CLSTN2: variants seen among roughly 807,000 people sequenced by gnomAD.
CLSTN2 encodes the protein calsyntenin-2.
CLSTN2 carries 48 observed loss-of-function variants against 101.2 expected under a neutral mutation model. The observed-to-expected ratio is 0.47, with a 90% CI of 0.38 to 0.60. The LOEUF (loss-of-function observed/expected upper bound fraction) is 0.60, where lower values mean the gene tolerates loss of function less well. CLSTN2 is among the 20% of genes least tolerant of loss of function. CLSTN2 has a pLI of 0.00. For synonymous variants in CLSTN2, 481 were observed against 463.6 expected, an observed-to-expected ratio of 1.04 and a Z score of -0.48; for missense variants, 1,160 against 1,238.2, an observed-to-expected ratio of 0.94 and a Z score of 0.95.
chr3:140,210,433 G>A (rs1385569949), intron 2 of CLSTN2, among the ~76,000 whole-genome samples: 4 of 152,164 alleles, frequency 2.6e-5, no homozygotes, highest in Non-Finnish European at 5.9e-5. Context: ...CACACTTTTA[G>A]GCAGGTGTTT....
At chr3:139,972,917 C>A (rs576204393) in intron 1 of CLSTN2, among the ~76,000 whole-genome samples, 1 of 152,288 alleles carries the variant, frequency 6.6e-6, no homozygotes, top group East Asian at 1.9e-4. Flanking sequence ...GCATTTTTGG[C>A]TCAGAATTTT....
At chr3:140,201,192 G>T (rs534249392) in intron 2 of CLSTN2, among the ~76,000 whole-genome samples, 2 of 152,316 alleles carry the variant, frequency 1.3e-5, no homozygotes, top group African/African-American at 4.8e-5. Context: ...TTTAGAGACT[G>T]GTTTGGTGTC....
chr3:140,122,507 C>T (rs1270049037), intron 1 of CLSTN2, among the ~76,000 whole-genome samples: 1 of 152,224 alleles, frequency 6.6e-6, no homozygotes, highest in Non-Finnish European at 1.5e-5. Context: ...TGCCTTTACT[C>T]CCAAGAAATG....
intron 2 of CLSTN2, among the ~76,000 whole-genome samples, chr3:140,376,075 C>G (rs978325374): frequency 6.6e-6 from 1 of 152,224 alleles, no homozygotes; most frequent in Non-Finnish European, 1.5e-5. Flanking sequence ...GGGTCCCTCT[C>G]TGCTCTTCTG....
chr3:140,520,237 A>G (rs970321181), intron 8 of CLSTN2, among the ~76,000 whole-genome samples: 1 of 152,000 alleles, frequency 6.6e-6, no homozygotes, highest in African/African-American at 2.4e-5. Context: ...TGTTAACATT[A>G]TTTTTCTTTC....
chr3:140,339,729 C>T (rs2107935104), intron 2 of CLSTN2, among the ~76,000 whole-genome samples: 1 of 152,298 alleles, frequency 6.6e-6, no homozygotes, highest in Non-Finnish European at 1.5e-5. Context: ...AGATACCACT[C>T]AAATACTCAA....
At chr3:140,543,292 C>T (rs536046908) in intron 9 of CLSTN2, among the ~76,000 whole-genome samples, 10 of 152,234 alleles carry the variant, frequency 6.6e-5, no homozygotes, top group South Asian at 2.1e-4. Context: ...TTTGCTGGGA[C>T]GGGAACATGC....
At chr3:140,345,685 CATG>C (rs2087540071) in intron 2 of CLSTN2, among the ~76,000 whole-genome samples, 6 of 146,742 alleles carry the variant, frequency 4.1e-5, no homozygotes, top group Non-Finnish European at 8.9e-5. Flanking sequence ...AAGGCAGTAG[CATG>C]TGTGTGGCTG....
At chr3:140,173,318 T>TCACC (rs1390977669) in intron 1 of CLSTN2, among the ~76,000 whole-genome samples, 1 of 152,242 alleles carries the variant, frequency 6.6e-6, no homozygotes, top group Non-Finnish European at 1.5e-5. Context: ...CATATCCAGG[T>TCACC]CACCCTGATG....
At chr3:139,956,394 G>A (rs1935400583) in intron 1 of CLSTN2, among the ~76,000 whole-genome samples, 1 of 152,160 alleles carries the variant, frequency 6.6e-6, no homozygotes, top group South Asian at 2.1e-4. Flanking sequence ...TGACAGAGAG[G>A]CCACCATCCC....
intron 2 of CLSTN2, among the ~76,000 whole-genome samples, chr3:140,276,152 G>T (rs2086792693): frequency 6.6e-6 from 1 of 152,168 alleles, no homozygotes; most frequent in Non-Finnish European, 1.5e-5. Flanking sequence ...TCCCCATGAG[G>T]TGTAGCTCCA....
intron 2 of CLSTN2, among the ~76,000 whole-genome samples, chr3:140,313,919 G>C (rs143522849): frequency 2.5e-3 from 388 of 152,302 alleles, no homozygotes; most frequent in Non-Finnish European, 4.3e-3. Flanking sequence ...CCACTTTTTG[G>C]CGTTGTCCCC....
At chr3:140,335,839 A>G (rs1298896159) in intron 2 of CLSTN2, among the ~76,000 whole-genome samples, 1 of 152,178 alleles carries the variant, frequency 6.6e-6, no homozygotes. Context: ...AACTAACAAA[A>G]GCCTTGAATG....
intron 2 of CLSTN2, among the ~76,000 whole-genome samples, chr3:140,263,979 A>C (rs974452425): frequency 6.6e-6 from 1 of 152,126 alleles, no homozygotes; most frequent in African/African-American, 2.4e-5. Flanking sequence ...CCTACTTACT[A>C]TAAATTATCT....
intron 2 of CLSTN2, among the ~76,000 whole-genome samples, chr3:140,178,358 G>A (rs1190748931): frequency 1.3e-5 from 2 of 152,148 alleles, no homozygotes; most frequent in Admixed American, 6.5e-5. Flanking sequence ...ACTCACAAAA[G>A]GATTTCCTTA....
rs1007929819 is a variant in CLSTN2 at position 140,552,405 on chromosome 3, A to T, written c.1675-4108A>T. Among the ~76,000 whole-genome samples the T allele has an allele frequency of 5.5e-3, 833 of 150,488 alleles. 11 individuals are homozygous for T. The highest frequency in any genetic ancestry group is 0.019 in the African/African-American group (788 of 41,070). ...AGAGCTGGGAATACCGCAGTTTAAA[A>T]AAAAAAAAAAAAAAGAACACCCAAA... On this transcript the variant is annotated intron_variant, in intron 10 of 16. Transcript: ENST00000458420.
At chr3:140,226,765 G>A (rs2086324143) in intron 2 of CLSTN2, among the ~76,000 whole-genome samples, 1 of 152,236 alleles carries the variant, frequency 6.6e-6, no homozygotes, top group South Asian at 2.1e-4. Context: ...ATGTGGCTGG[G>A]GAAGCCCCCC....
chr3:140,187,069 C>CT (rs1188314707), intron 2 of CLSTN2, among the ~76,000 whole-genome samples: 1 of 152,106 alleles, frequency 6.6e-6, no homozygotes, highest in African/African-American at 2.4e-5. Context: ...TGGCCCTTTC[C>CT]TTTTTTTGTG....
At chr3:140,257,935 C>T (rs374512480) in intron 2 of CLSTN2, among the ~76,000 whole-genome samples, 3 of 152,058 alleles carry the variant, frequency 2.0e-5, no homozygotes, top group African/African-American at 7.2e-5. Flanking sequence ...CACATATATT[C>T]TTTTCAGAGT....
Sources: allele counts gnomAD v4.1 joint callset (sites outside exome capture counted in the v4.1 genomes callset), GRCh38; gene constraint gnomAD v4.1.1; transcripts MANE v1.5; gene names NCBI Gene and HGNC (gene_info 2026-07-23, HGNC 2026-07-21).